CAMTA1: variants seen among roughly 807,000 people sequenced by gnomAD.
The protein encoded by CAMTA1 is calmodulin binding transcription activator 1, also known as calmodulin-binding transcription activator 1.
CAMTA1 carries 27 observed loss-of-function variants against 170.9 expected under a neutral mutation model. The ratio of observed to expected loss-of-function variants is 0.16; its 90% CI spans 0.12 to 0.22. The LOEUF (loss-of-function observed/expected upper bound fraction) is 0.22, where lower values mean the gene tolerates loss of function less well. Among genes scored for constraint, CAMTA1 ranks in the 10% least tolerant of loss-of-function variants. CAMTA1 has a pLI of 1.00. For missense variants in CAMTA1, 1,619 were observed against 2,217.2 expected (o/e 0.73, Z 5.42); for synonymous variants, 833 against 891.5 (o/e 0.93, Z 1.17).
At chr1:7,353,746 T>G (rs1039967934) in intron 5 of CAMTA1, among the ~76,000 whole-genome samples, 5 of 152,036 alleles carry the variant, frequency 3.3e-5, no homozygotes, top group Non-Finnish European at 7.4e-5. Flanking sequence ...TAAATTTTAT[T>G]TTATTTTTAT....
At chr1:6,975,169 C>T (rs1693195691) in intron 3 of CAMTA1, among the ~76,000 whole-genome samples, 1 of 152,168 alleles carries the variant, frequency 6.6e-6, no homozygotes, top group Non-Finnish European at 1.5e-5. Context: ...GGAAGCCGAG[C>T]ATTCCACACT....
At chr1:7,284,126 G>GTTCTTCTTCTTCTTCTTCTTC (rs202166286) in intron 5 of CAMTA1, among the ~76,000 whole-genome samples, 14 of 106,994 alleles carry the variant, frequency 1.3e-4, no homozygotes, top group East Asian at 6.2e-4. Context: ...ATTTGCTGCT[G>GTTCTTCTTCTTCTTCTTCTTC]TTCTTCTTCT....
chr1:6,900,246 T>C (rs1676638330), intron 3 of CAMTA1, among the ~76,000 whole-genome samples: 1 of 151,608 alleles, frequency 6.6e-6, no homozygotes, highest in Non-Finnish European at 1.5e-5. Flanking sequence ...AGGTGGTGTG[T>C]GGAAGGGATA....
At chr1:6,870,366 G>C (rs1168461803) in intron 3 of CAMTA1, among the ~76,000 whole-genome samples, 1 of 152,168 alleles carries the variant, frequency 6.6e-6, no homozygotes, top group South Asian at 2.1e-4. Context: ...AAAACATTGT[G>C]TTTTTTGAAA....
chr1:7,190,522 G>T (rs914133345), intron 4 of CAMTA1, among the ~76,000 whole-genome samples: 1 of 152,298 alleles, frequency 6.6e-6, no homozygotes, highest in East Asian at 1.9e-4. Flanking sequence ...AAAATAGGCA[G>T]AGTTAGTTGA....
chr1:7,626,086 G>A (rs2095631617), intron 6 of CAMTA1, among the ~76,000 whole-genome samples: 1 of 152,182 alleles, frequency 6.6e-6, no homozygotes, highest in Non-Finnish European at 1.5e-5. Flanking sequence ...TTACTTCAGT[G>A]ATTACACGTT....
chr1:7,117,794 C>T (rs1487416512), intron 4 of CAMTA1, among the ~76,000 whole-genome samples: 1 of 152,214 alleles, frequency 6.6e-6, no homozygotes, highest in Non-Finnish European at 1.5e-5. Context: ...CTTTGTGTTT[C>T]TAATTCCTGC....
chr1:7,527,333 A>G (rs2094442524), intron 6 of CAMTA1, among the ~76,000 whole-genome samples: 1 of 152,212 alleles, frequency 6.6e-6, no homozygotes, highest in Non-Finnish European at 1.5e-5. Flanking sequence ...CCCAGCCTAC[A>G]GCCATCATCT....
chr1:6,791,034 T>G (rs1557549024), intron 1 of CAMTA1, among the ~76,000 whole-genome samples: 1 of 152,092 alleles, frequency 6.6e-6, no homozygotes, highest in African/African-American at 2.4e-5. Context: ...ACAAGTGATG[T>G]GTGTGTTTCT....
intron 6 of CAMTA1, among the ~76,000 whole-genome samples, chr1:7,568,477 A>AT (rs1282857615): frequency 6.7e-6 from 1 of 149,836 alleles, no homozygotes; most frequent in East Asian, 2.0e-4. Context: ...AACAACCATC[A>AT]TCAACATCAC....
chr1:6,882,142 T>C (rs1406756097), intron 3 of CAMTA1, among the ~76,000 whole-genome samples: 1 of 152,192 alleles, frequency 6.6e-6, no homozygotes, highest in East Asian at 1.9e-4. Flanking sequence ...AAAAAATCAG[T>C]ATTTTATTTC....
At chr1:7,713,195 TC>T (rs1385289866) in intron 11 of CAMTA1, among the ~76,000 whole-genome samples, 1 of 152,140 alleles carries the variant, frequency 6.6e-6, no homozygotes, top group Non-Finnish European at 1.5e-5. Flanking sequence ...AGACATTGGG[TC>T]AAACCATTTC....
At chr1:7,238,613 G>A (rs1165648364) in intron 4 of CAMTA1, among the ~76,000 whole-genome samples, 1 of 152,226 alleles carries the variant, frequency 6.6e-6, no homozygotes, top group Non-Finnish European at 1.5e-5. Flanking sequence ...GCCAGGTGTG[G>A]TGGTTCATGC....
At chr1:7,277,647 T>C (rs1670929491) in intron 5 of CAMTA1, among the ~76,000 whole-genome samples, 1 of 152,158 alleles carries the variant, frequency 6.6e-6, no homozygotes, top group South Asian at 2.1e-4. Flanking sequence ...TTCTTTATGG[T>C]TTGAAAATGA....
chr1:7,289,812 A>C (rs982849882), intron 5 of CAMTA1, among the ~76,000 whole-genome samples: 2 of 152,136 alleles, frequency 1.3e-5, no homozygotes, highest in Non-Finnish European at 2.9e-5. Context: ...AAACACCCAG[A>C]ATTGACACAA....
intron 3 of CAMTA1, among the ~76,000 whole-genome samples, chr1:6,986,027 T>C (rs867855510): frequency 1.3e-5 from 2 of 152,364 alleles, no homozygotes; most frequent in Middle Eastern, 3.4e-3. Flanking sequence ...ATACTGGCTT[T>C]GCACTTTAAG....
intron 6 of CAMTA1, among the ~76,000 whole-genome samples, chr1:7,474,318 A>G (rs1304046492): frequency 7.3e-6 from 1 of 137,154 alleles, no homozygotes; most frequent in African/African-American, 2.7e-5. Flanking sequence ...AGAAGCAGCT[A>G]TTGGCTGTGT....
At chr1:6,849,041 C>CT (rs1659400043) in intron 3 of CAMTA1, among the ~76,000 whole-genome samples, 1 of 152,092 alleles carries the variant, frequency 6.6e-6, no homozygotes, top group African/African-American at 2.4e-5. Context: ...TCTTTGAGTT[C>CT]TTTTGGGAGG....
At chr1:6,790,357 T>TGAGA (rs554353934) in intron 1 of CAMTA1, among the ~76,000 whole-genome samples, 82 of 145,214 alleles carry the variant, frequency 5.6e-4, no homozygotes, top group East Asian at 5.6e-3. Flanking sequence ...GTGCAGAGTG[T>TGAGA]GAGAGAGAGA....
Sources: allele counts gnomAD v4.1 joint callset (sites outside exome capture counted in the v4.1 genomes callset), GRCh38; gene constraint gnomAD v4.1.1; transcripts MANE v1.5; gene names NCBI Gene and HGNC (gene_info 2026-07-23, HGNC 2026-07-21).